MKLN1: variants seen among roughly 807,000 people sequenced by gnomAD.
MKLN1 encodes muskelin 1, also known as muskelin.
Under a neutral mutation model 99.0 loss-of-function variants are expected in MKLN1, and 18 were observed. That is an observed-to-expected ratio of 0.18 (90% CI 0.13 to 0.27). The LOEUF (loss-of-function observed/expected upper bound fraction) is 0.27, where lower values mean the gene tolerates loss of function less well. MKLN1 is among the 10% of genes least tolerant of loss of function. MKLN1 has a pLI of 1.00. For synonymous variants in MKLN1, 288 were observed against 293.2 expected, an observed-to-expected ratio of 0.98 and a Z score of 0.18; for missense variants, 621 against 875.9, an observed-to-expected ratio of 0.71 and a Z score of 3.67.
intron 1 of MKLN1, among the ~76,000 whole-genome samples, chr7:131,365,858 A>G (rs1038686082): frequency 6.6e-5 from 10 of 152,148 alleles, no homozygotes; most frequent in African/African-American, 2.4e-4. Context: ...GGCCACAGAT[A>G]ACCATTCTTG....
intron 2 of MKLN1, among the ~76,000 whole-genome samples, chr7:131,186,914 C>T (rs775141315): frequency 8.5e-5 from 13 of 152,278 alleles, no homozygotes; most frequent in Admixed American, 3.9e-4. Context: ...TATCATTGAG[C>T]TTAGTTTTGA....
Position 131,178,185 on chromosome 7 carries a change from C to T in MKLN1, c.-296-24672C>T, listed in dbSNP as rs150029879. Among the ~76,000 whole-genome samples the T allele has an allele frequency of 7.8e-3, 1,173 of 150,818 alleles. 12 individuals carry two copies. Among genetic ancestry groups the T allele is most frequent in the Non-Finnish European group, 0.011 (727 of 67,632 alleles). On this transcript the variant is annotated intron_variant, in intron 2 of 7. Transcript: ENST00000416992. ...AGGCTGAAGTGCAATGGCGTTATCT[C>T]GGCTCATTGCAGCCTCTGCCTTCTG...
intron 3 of MKLN1, among the ~76,000 whole-genome samples, chr7:131,231,400 G>A (rs1048759663): frequency 2.6e-5 from 4 of 152,006 alleles, no homozygotes; most frequent in African/African-American, 4.8e-5. Flanking sequence ...TGGCTCCATC[G>A]TCTTGAACCT....
rs144256871 is a variant in MKLN1 at position 131,153,663 on chromosome 7, G to GTTTTTTTTTTTT, written c.-297+10722_-297+10723insTTTTTTTTTTTT. Among the ~76,000 whole-genome samples, 5 of 135,226 alleles carry GTTTTTTTTTTTT rather than the reference G, an allele frequency of 3.7e-5. 1 individual carries two copies. Among genetic ancestry groups the GTTTTTTTTTTTT allele is most frequent in the Admixed American group, 7.5e-5 (1 of 13,364 alleles). 88.7% of individuals were successfully genotyped at this position (135,226 alleles called of 152,430 possible). A position where few individuals can be genotyped will look rare whatever the true frequency, so the allele number is the denominator to read the frequency against. ...TACAAAATGAAAGTAGGTTTTTTTT[G>GTTTTTTTTTTTT]GTTTTTTTTTTTTTTTTGAGAAGGA... On this transcript the variant is annotated intron_variant, in intron 2 of 7. Transcript: ENST00000416992.
intron 1 of MKLN1, among the ~76,000 whole-genome samples, chr7:131,111,436 C>A (rs1795197128): frequency 1.3e-5 from 2 of 152,178 alleles, no homozygotes; most frequent in Admixed American, 6.5e-5. Context: ...TCAGACTAGA[C>A]CAGTCAGTTC....
intron 1 of MKLN1, among the ~76,000 whole-genome samples, chr7:131,367,903 C>G (rs567496746): frequency 6.6e-6 from 1 of 152,062 alleles, no homozygotes; most frequent in Non-Finnish European, 1.5e-5. Context: ...CTTTTAAAAA[C>G]AAGGGATGTT....
At chr7:131,218,121 C>T (rs528200764) in intron 3 of MKLN1, among the ~76,000 whole-genome samples, 4 of 152,122 alleles carry the variant, frequency 2.6e-5, no homozygotes, top group East Asian at 1.9e-4. Flanking sequence ...AGTCAGTTCT[C>T]GGGTGCAGGT....
chr7:131,249,651 A>G (rs1797546969), intron 3 of MKLN1, among the ~76,000 whole-genome samples: 1 of 152,116 alleles, frequency 6.6e-6, no homozygotes, highest in Non-Finnish European at 1.5e-5. Flanking sequence ...GAGAGTCAGG[A>G]GCGCTCTCCC....
At chr7:131,435,402 A>AT (rs1377148951) in intron 9 of MKLN1, among the ~76,000 whole-genome samples, 1 of 151,920 alleles carries the variant, frequency 6.6e-6, no homozygotes, top group African/African-American at 2.4e-5. Flanking sequence ...TTTCAGTGTT[A>AT]TGTTGGCCTC....
At chr7:131,222,874 A>G (rs1199322555) in intron 3 of MKLN1, among the ~76,000 whole-genome samples, 38 of 151,534 alleles carry the variant, frequency 2.5e-4, no homozygotes, top group Middle Eastern at 3.4e-3. Context: ...AAAAAAAAAA[A>G]AAAGAAAGAA....
At chr7:131,348,964 GA>G (rs1236062242) in intron 1 of MKLN1, among the ~76,000 whole-genome samples, 1 of 152,034 alleles carries the variant, frequency 6.6e-6, no homozygotes, top group Non-Finnish European at 1.5e-5. Flanking sequence ...TTTAGATTCT[GA>G]AGGTATTTTT....
At chr7:131,259,356 A>T (rs1251768349) in intron 3 of MKLN1, among the ~76,000 whole-genome samples, 1 of 152,202 alleles carries the variant, frequency 6.6e-6, no homozygotes. Context: ...ATAGAATAGT[A>T]TAATGGATAC....
At chr7:131,464,262 C>A in intron 13 of MKLN1, 32 bp from the exon 14 acceptor site, 2 of 1,353,168 alleles carry the variant, frequency 1.5e-6, no homozygotes, top group South Asian at 1.3e-5. Flanking sequence ...GCTGCTAATT[C>A]TCTAGAATGC....
intron 17 of MKLN1, among the ~76,000 whole-genome samples, chr7:131,486,004 A>G (rs983594523): frequency 2.0e-5 from 3 of 152,040 alleles, no homozygotes; most frequent in Non-Finnish European, 4.4e-5. Flanking sequence ...CTGAGCTGAA[A>G]TTAGTTTGAG....
At chr7:131,427,678 C>T (rs1795397143) in intron 8 of MKLN1, among the ~76,000 whole-genome samples, 1 of 152,044 alleles carries the variant, frequency 6.6e-6, no homozygotes, top group African/African-American at 2.4e-5. Context: ...CTCAGCCTCC[C>T]GAATAGTTGG....
intron 1 of MKLN1, among the ~76,000 whole-genome samples, chr7:131,138,407 G>A (rs1795683881): frequency 6.6e-6 from 1 of 152,104 alleles, no homozygotes; most frequent in African/African-American, 2.4e-5. Context: ...TAACACCTCT[G>A]AAGTGGAAGT....
intron 2 of MKLN1, among the ~76,000 whole-genome samples, chr7:131,197,754 T>C (rs1466733167): frequency 6.6e-6 from 1 of 151,966 alleles, no homozygotes; most frequent in Non-Finnish European, 1.5e-5. Flanking sequence ...CCTAATAGTA[T>C]AACTAATAGT....
chr7:131,443,539 G>C lies in MKLN1; in HGVS notation c.1232G>C (p.Cys411Ser). The change falls in exon 11 of 18, where the codon TGT (cysteine) becomes TCT (serine). Residue 411 changes from cysteine to serine, a missense_variant. By Grantham distance (112) the Cys-to-Ser change is moderately radical (BLOSUM62 -1). Transcript: ENST00000352689. ...ACTTTTGGTGGTAGAATTTTGACTTGTAATGGCAGCGTAGATGACAGCAGA... is the reference window on the plus strand; with the variant it reads ...ACTTTTGGTGGTAGAATTTTGACTTCTAATGGCAGCGTAGATGACAGCAGA... Reference protein sequence around the residue: ...IYTFGGRILTCNGSVDDSRAS... With the variant: ...IYTFGGRILTSNGSVDDSRAS... The C allele has an allele frequency of 6.2e-7, 1 of 1,614,094 alleles. No individual in the cohort carries two copies.
At chr7:131,226,037 C>A (rs1797142779) in intron 3 of MKLN1, among the ~76,000 whole-genome samples, 1 of 151,036 alleles carries the variant, frequency 6.6e-6, no homozygotes, top group Admixed American at 6.6e-5. Flanking sequence ...CCCCCTCCCT[C>A]CCTCCCTACT....
Sources: allele counts gnomAD v4.1 joint callset (sites outside exome capture counted in the v4.1 genomes callset), GRCh38; gene constraint gnomAD v4.1.1; transcripts MANE v1.5; gene names NCBI Gene and HGNC (gene_info 2026-07-23, HGNC 2026-07-21).